SPATA6: variants seen among roughly 807,000 people sequenced by gnomAD.
SPATA6 encodes spermatogenesis-associated protein 6.
Under a neutral mutation model 65.3 loss-of-function variants are expected in SPATA6, and 56 were observed. The ratio of observed to expected loss-of-function variants is 0.86; its 90% confidence interval spans 0.69 to 1.07. The LOEUF is 1.07. SPATA6 is among the 50% of genes least tolerant of loss of function. SPATA6 has a pLI of 0.00. For missense variants in SPATA6, 590 were observed against 594.8 expected, an observed-to-expected ratio of 0.99 and a Z score of 0.08; for synonymous variants, 199 against 213.2, an observed-to-expected ratio of 0.93 and a Z score of 0.58.
intron 11 of SPATA6, among the ~76,000 whole-genome samples, chr1:48,309,779 C>G (rs544568396): frequency 6.6e-6 from 1 of 152,260 alleles, no homozygotes; most frequent in African/African-American, 2.4e-5. Flanking sequence ...TCACTGATAT[C>G]TCTATTCTGT....
chr1:48,428,797 G>GTC (rs1654093973), intron 3 of SPATA6, among the ~76,000 whole-genome samples: 2 of 109,320 alleles, frequency 1.8e-5, no homozygotes, highest in Non-Finnish European at 4.0e-5. Context: ...GTGTGTGTGT[G>GTC]TGTGTGTGTG....
At chr1:48,407,032 TATA>T (rs745816608) in intron 5 of SPATA6, among the ~76,000 whole-genome samples, 21 of 152,222 alleles carry the variant, frequency 1.4e-4, no homozygotes, top group Non-Finnish European at 2.9e-4. Context: ...CGTATTTAAA[TATA>T]ATGATAGATA....
intron 3 of SPATA6, among the ~76,000 whole-genome samples, chr1:48,428,870 CGTGT>C (rs35049845): frequency 0.34 from 46,216 of 136,522 alleles, 8,589 homozygotes; most frequent in Middle Eastern, 0.5. Flanking sequence ...TATATATACA[CGTGT>C]GTGTGTGTGT....
rs190395978 is a variant in SPATA6 at position 48,368,170 on chromosome 1, T to C, written c.910-8400A>G. ...GAGTTTCTGCCAAGAGATCAGCTGT[T>C]AGTCTGATGGGCTTCCCTCTGTGGG... On this transcript the variant is annotated intron_variant, in intron 9 of 12. Coordinates refer to ENST00000371847, the MANE Select transcript of SPATA6 (RefSeq NM_019073.4). Among the ~76,000 whole-genome samples the C allele has an allele frequency of 2.2e-4, 33 of 152,368 alleles. No homozygotes were observed. The East Asian group carries it at 5.6e-3, about 26-fold the overall frequency.
intron 12 of SPATA6, among the ~76,000 whole-genome samples, chr1:48,301,958 T>C (rs565365461): frequency 1.3e-5 from 2 of 152,316 alleles, no homozygotes; most frequent in East Asian, 3.9e-4. Flanking sequence ...CTTTAGGATA[T>C]TGATCTAGGC....
chr1:48,292,303 G>C (rs1644773100), downstream of SPATA6, among the ~76,000 whole-genome samples: 2 of 152,206 alleles, frequency 1.3e-5, no homozygotes, highest in African/African-American at 4.8e-5. Flanking sequence ...TCTGTGTCCA[G>C]GAGGGACAGG....
At chr1:48,315,380 T>C (rs1324618048) in intron 11 of SPATA6, among the ~76,000 whole-genome samples, 1 of 152,112 alleles carries the variant, frequency 6.6e-6, no homozygotes, top group Non-Finnish European at 1.5e-5. Context: ...GCAAGCCTGG[T>C]TCAACATACA....
intron 9 of SPATA6, among the ~76,000 whole-genome samples, chr1:48,380,421 T>C (rs2148885059): frequency 6.6e-6 from 1 of 151,998 alleles, no homozygotes; most frequent in South Asian, 2.1e-4. Context: ...GCGATGAGAG[T>C]GGAAAGGAAT....
At chr1:48,369,078 G>C (rs926582591) in intron 9 of SPATA6, among the ~76,000 whole-genome samples, 8 of 152,166 alleles carry the variant, frequency 5.3e-5, no homozygotes, top group African/African-American at 1.9e-4. Flanking sequence ...GTTTGCCTGG[G>C]TATCAGCAGT....
chr1:48,419,364 T>C (rs993280302), intron 3 of SPATA6, among the ~76,000 whole-genome samples: 9 of 152,164 alleles, frequency 5.9e-5, no homozygotes, highest in African/African-American at 2.2e-4. Flanking sequence ...TACGTGGTAT[T>C]TGAATGAGGA....
chr1:48,460,199 C>CA (rs1323127714), intron 1 of SPATA6, among the ~76,000 whole-genome samples: 1 of 152,014 alleles, frequency 6.6e-6, no homozygotes, highest in Non-Finnish European at 1.5e-5. Flanking sequence ...CTCCTAGGCT[C>CA]AAGTGATCCT....
At chr1:48,309,154 T>C (rs1645135620) in intron 11 of SPATA6, among the ~76,000 whole-genome samples, 1 of 152,202 alleles carries the variant, frequency 6.6e-6, no homozygotes, top group Admixed American at 6.5e-5. Context: ...AATAATTTTC[T>C]TCAATTTGGC....
intron 8 of SPATA6, 82 bp from the exon 9 acceptor site, chr1:48,385,431 A>C (rs951448947): frequency 8.1e-7 from 1 of 1,228,922 alleles, no homozygotes; most frequent in African/African-American, 1.5e-5. Context: ...TTCTACAATT[A>C]TAATTCACTC....
At chr1:48,452,469 C>T (rs912842728) in intron 2 of SPATA6, among the ~76,000 whole-genome samples, 2 of 151,636 alleles carry the variant, frequency 1.3e-5, no homozygotes, top group African/African-American at 4.8e-5. Context: ...CTACAACCTC[C>T]ACCTCCCAGG....
At chr1:48,294,961 T>C (rs960549088), downstream of SPATA6, among the ~76,000 whole-genome samples, 2 of 152,234 alleles carry the variant, frequency 1.3e-5, no homozygotes, top group African/African-American at 2.4e-5. Flanking sequence ...TTTCATACCA[T>C]GGAAGTTACC....
chr1:48,330,795 A>C (rs753591466), intron 11 of SPATA6, among the ~76,000 whole-genome samples: 8 of 152,176 alleles, frequency 5.3e-5, no homozygotes, highest in Non-Finnish European at 1.0e-4. Context: ...TCCCACATCC[A>C]CCTGAACTCT....
At chr1:48,469,217 A>C (rs1474774274) in intron 1 of SPATA6, among the ~76,000 whole-genome samples, 1 of 152,218 alleles carries the variant, frequency 6.6e-6, no homozygotes, top group Non-Finnish European at 1.5e-5. Flanking sequence ...TTTTAGCAAA[A>C]AAATAAAAAA....
At chr1:48,363,090 G>A (rs1255518427) in intron 9 of SPATA6, among the ~76,000 whole-genome samples, 1 of 152,088 alleles carries the variant, frequency 6.6e-6, no homozygotes, top group East Asian at 1.9e-4. Flanking sequence ...TGAAGTAATT[G>A]CGCAATGGGA....
intron 3 of SPATA6, among the ~76,000 whole-genome samples, chr1:48,444,239 T>C (rs1655794871): frequency 6.6e-6 from 1 of 151,346 alleles, no homozygotes; most frequent in African/African-American, 2.4e-5. Context: ...GGATTGTAAA[T>C]GCACCAATCA....
Sources: gnomAD v4.1 joint callset for allele counts (sites outside exome capture counted in the v4.1 genomes callset) on GRCh38, gnomAD v4.1.1 for gene constraint, MANE v1.5 for transcripts, NCBI Gene and HGNC (gene_info 2026-07-23, HGNC 2026-07-21) for gene names.